COL4A1: variants seen among roughly 807,000 people sequenced by gnomAD.
COL4A1 encodes the protein collagen type IV alpha 1 chain, also known as collagen alpha-1(IV) chain.
In COL4A1, 40 loss-of-function variants were observed where a neutral mutation model predicts 216.6. The observed-to-expected ratio is 0.18, with a 90% CI of 0.14 to 0.24. The LOEUF is 0.24. Ranked by LOEUF, COL4A1 falls within the 10% of genes least tolerant of loss-of-function variation. COL4A1 has a pLI of 1.00. For missense variants in COL4A1, 1,628 were observed against 2,196.8 expected (o/e 0.74, Z 5.18); for synonymous variants, 839 against 810.7 (o/e 1.03, Z -0.59).
chr13:110,174,962 T>C (rs567655822), intron 37 of COL4A1, among the ~76,000 whole-genome samples: 78 of 152,298 alleles, frequency 5.1e-4, no homozygotes, highest in African/African-American at 1.8e-3. Context: ...TACCTGCCAT[T>C]CCTCTTCGTC....
chr13:110,272,459 T>G (rs672204), intron 1 of COL4A1, among the ~76,000 whole-genome samples: 149,148 of 152,274 alleles, frequency 0.98, 73,110 homozygotes, highest in Middle Eastern at 1. Flanking sequence ...GAGCAACCCC[T>G]AAACCCTTCT....
At chr13:110,248,973 G>T (rs1881958026) in intron 1 of COL4A1, among the ~76,000 whole-genome samples, 1 of 152,106 alleles carries the variant, frequency 6.6e-6, no homozygotes, top group Admixed American at 6.5e-5. Flanking sequence ...TGTGCTGCTT[G>T]TGTCACGCTT....
chr13:110,200,452 A>C (rs550982419), intron 20 of COL4A1, among the ~76,000 whole-genome samples: 1 of 152,256 alleles, frequency 6.6e-6, no homozygotes, highest in East Asian at 1.9e-4. Context: ...AACATCCCAG[A>C]GAGAGGGGAA....
chr13:110,281,977 T>C (rs1883650518), intron 1 of COL4A1, among the ~76,000 whole-genome samples: 1 of 152,188 alleles, frequency 6.6e-6, no homozygotes, highest in East Asian at 1.9e-4. Flanking sequence ...TCCCTTCAGT[T>C]TTCCTGGCTG....
At chr13:110,272,842 T>C (rs1004649344) in intron 1 of COL4A1, among the ~76,000 whole-genome samples, 1 of 152,204 alleles carries the variant, frequency 6.6e-6, no homozygotes, top group Admixed American at 6.5e-5. Context: ...ATGTGGCTGA[T>C]GTCAGAACGT....
intron 40 of COL4A1, 41 bp from the exon 41 acceptor site, chr13:110,172,811 A>C (rs371218017): frequency 6.4e-7 from 1 of 1,555,696 alleles, no homozygotes; most frequent in Non-Finnish European, 8.9e-7. Context: ...TCTTTACTTA[A>C]ACAATCCATC....
In COL4A1 at chr13:110,198,540, T is replaced by G. The variant is rs777366210; in HGVS notation, c.1212A>C (p.Pro404=). The G allele has an allele frequency of 6.2e-7, 1 of 1,614,132 alleles. No homozygotes were observed. The highest frequency in any genetic ancestry group is 1.7e-5 in the Admixed American group (1 of 60,034). Residue 404 remains proline, a synonymous_variant, in exon 21 of 52, where the codon CCA becomes CCC. Transcript: ENST00000375820. ...GDRGFPGTSL[P]GPSGRDGLPG... Reference sequence around the variant, plus strand: ...GGAGCCCATCTCTTCCACTTGGTCCTGGCAGAGATGTACCAGGAAATCCTC... The same window carrying G: ...GGAGCCCATCTCTTCCACTTGGTCCGGGCAGAGATGTACCAGGAAATCCTC...
rs776668210 is a variant in COL4A1 at position 110,179,341 on chromosome 13, C to T, written c.2274G>A (p.Gly758=). The T allele has an allele frequency of 1.2e-6, 2 of 1,614,144 alleles. No homozygotes were observed. The highest frequency in any genetic ancestry group is 2.2e-5 in the East Asian group (1 of 44,862). Residue 758 remains glycine (G), a synonymous_variant, in exon 30 of 52, where the codon GGG becomes GGA. Coordinates refer to ENST00000375820, the MANE Select transcript of COL4A1 (RefSeq NM_001845.6). ...CAGGAACGCCTGGTACCCCAATGCT[C>T]CCCTTCTCCCCGGGTGTGCCAGGAA... is the stretch of plus-strand genomic sequence containing the variant. ...PGIPGTPGEK[G]SIGVPGVPGE...
intron 20 of COL4A1, among the ~76,000 whole-genome samples, chr13:110,200,559 G>C (rs1341520752): frequency 6.6e-6 from 1 of 152,100 alleles, no homozygotes; most frequent in Admixed American, 6.5e-5. Context: ...TGGGAAAAGA[G>C]GGGGGCAGGC....
chr13:110,200,735 G>C (rs1046658547), intron 20 of COL4A1, 119 bp downstream of exon 20: 1 of 1,108,934 alleles, frequency 9.0e-7, no homozygotes, highest in Admixed American at 1.9e-5. Context: ...AAAAGATGTC[G>C]TAAGATTGCT....
intron 1 of COL4A1, among the ~76,000 whole-genome samples, chr13:110,289,427 C>T (rs56666474): frequency 0.058 from 8,861 of 152,112 alleles, 356 homozygotes; most frequent in African/African-American, 0.11. Context: ...CAAGGCCCTG[C>T]GCACCCACCC....
chr13:110,255,576 GGCA>G (rs1449625676), intron 1 of COL4A1, among the ~76,000 whole-genome samples: 3 of 18,674 alleles, frequency 1.6e-4, no homozygotes, highest in South Asian at 1.5e-3. Flanking sequence ...GAAGGGAGGG[GGCA>G]GGCAGGCAGG....
intron 2 of COL4A1, among the ~76,000 whole-genome samples, chr13:110,235,472 A>G (rs1363205752): frequency 3.3e-5 from 5 of 151,950 alleles, no homozygotes; most frequent in Non-Finnish European, 5.9e-5. Flanking sequence ...AACAGGGTGA[A>G]ACCCCGTCTC....
intron 1 of COL4A1, among the ~76,000 whole-genome samples, chr13:110,282,082 C>T (rs1206988250): frequency 1.3e-5 from 2 of 152,206 alleles, no homozygotes; most frequent in Admixed American, 6.5e-5. Context: ...TCACAAATCA[C>T]CAATTACTCA....
In COL4A1 at chr13:110,200,941, A is replaced by C. The variant is rs758206076; in HGVS notation, c.1085-52T>G. 1.9e-6 allele frequency: 3 copies of C among 1,577,210 alleles called. No individual in the cohort carries two copies. In the East Asian group the frequency reaches 6.7e-5, roughly 35 times the overall value. ...CAAACAGAACAGTTCACCCGTTTGTATACACTTCTTATTTCTCTACTGAAA... is the reference window on the plus strand; with the variant it reads ...CAAACAGAACAGTTCACCCGTTTGTCTACACTTCTTATTTCTCTACTGAAA... On this transcript the variant is annotated intron_variant, in intron 19 of 51. Transcript: ENST00000375820.
At chr13:110,266,419 C>T (rs528696470) in intron 1 of COL4A1, among the ~76,000 whole-genome samples, 2 of 152,302 alleles carry the variant, frequency 1.3e-5, no homozygotes, top group Admixed American at 1.3e-4. Context: ...TGCCAACCCC[C>T]GGTCCTCCAG....
chr13:110,216,293 C>A (rs551289305), intron 2 of COL4A1, among the ~76,000 whole-genome samples: 1 of 152,284 alleles, frequency 6.6e-6, no homozygotes, highest in African/African-American at 2.4e-5. Flanking sequence ...GGCCCCAGGA[C>A]ACAATGGCAG....
chr13:110,187,243 A>G lies in COL4A1; in HGVS notation c.1623T>C (p.Gly541=). Residue 541 remains glycine (G), a synonymous_variant, in exon 25 of 52, where the codon GGT becomes GGC. Transcript: ENST00000375820. The stretch of plus-strand genomic sequence containing the variant: ...CTGGAAAGCCTGGGTCTCCTTTGTC[A>G]CCTTTGAGCCGCAAGTCGAAATAAA... ...GEFYFDLRLK[G]DKGDPGFPGQ... is the part of the protein sequence containing the mutation. 6.2e-7 allele frequency: 1 copy of G among 1,613,676 alleles called. No individual in the cohort carries two copies. The highest frequency in any genetic ancestry group is 1.3e-5 in the African/African-American group (1 of 74,976).
chr13:110,297,064 C>A (rs888460548), intron 1 of COL4A1, among the ~76,000 whole-genome samples: 5 of 152,178 alleles, frequency 3.3e-5, no homozygotes, highest in Non-Finnish European at 5.9e-5. Flanking sequence ...TTCATGGAAG[C>A]CTCCTTATAT....
Sources: gnomAD v4.1 joint callset for allele counts (sites outside exome capture counted in the v4.1 genomes callset) on GRCh38, gnomAD v4.1.1 for gene constraint, MANE v1.5 for transcripts, NCBI Gene and HGNC (gene_info 2026-07-23, HGNC 2026-07-21) for gene names.